ACOT7: variants seen among roughly 807,000 people sequenced by gnomAD.
ACOT7 encodes acyl-CoA thioesterase 7.
ACOT7 carries 12 observed loss-of-function variants against 40.2 expected under a neutral mutation model. That is an observed-to-expected ratio of 0.30 (90% CI 0.19 to 0.48). ACOT7 has a LOEUF of 0.48. Ranked by LOEUF, ACOT7 falls within the 20% of genes least tolerant of loss-of-function variation. ACOT7 has a pLI of 0.99. For missense variants in ACOT7, 395 were observed against 530.8 expected, an observed-to-expected ratio of 0.74 and a Z score of 2.51; for synonymous variants, 228 against 219.5, an observed-to-expected ratio of 1.04 and a Z score of -0.34.
chr1:6,332,124 C>T (rs1441035917), intron 4 of ACOT7, among the ~76,000 whole-genome samples: 1 of 152,164 alleles, frequency 6.6e-6, no homozygotes, highest in African/African-American at 2.4e-5. Context: ...GCAAAAAGAG[C>T]AGGCACCAAT....
chr1:6,277,736 C>A (rs902033393), intron 8 of ACOT7, among the ~76,000 whole-genome samples: 2 of 152,336 alleles, frequency 1.3e-5, no homozygotes, highest in Middle Eastern at 3.4e-3. Flanking sequence ...TGTACCTGTC[C>A]CCCGGCACAC....
At chr1:6,319,583 A>T (rs944270263) in intron 5 of ACOT7, among the ~76,000 whole-genome samples, 2 of 152,254 alleles carry the variant, frequency 1.3e-5, no homozygotes, top group African/African-American at 4.8e-5. Context: ...TCGGATTCAT[A>T]GCTGTCAGCT....
intron 1 of ACOT7, among the ~76,000 whole-genome samples, chr1:6,368,298 A>G (rs61763930): frequency 0.07 from 10,677 of 152,052 alleles, 648 homozygotes; most frequent in African/African-American, 0.15. Flanking sequence ...CCTCCCTCCC[A>G]TGCCTGTTGG....
At chr1:6,323,524 C>T (rs1316917377) in intron 5 of ACOT7, among the ~76,000 whole-genome samples, 1 of 151,992 alleles carries the variant, frequency 6.6e-6, no homozygotes, top group Admixed American at 6.6e-5. Context: ...TCGAGACCAG[C>T]TTGGCCAACA....
intron 7 of ACOT7, among the ~76,000 whole-genome samples, chr1:6,293,657 C>T (rs896915417): frequency 1.3e-5 from 2 of 152,194 alleles, no homozygotes; most frequent in African/African-American, 4.8e-5. Flanking sequence ...GCAGGGATTG[C>T]ACCACTGTAC....
At chr1:6,371,259 CA>C (rs1269714361) in intron 1 of ACOT7, among the ~76,000 whole-genome samples, 2 of 152,084 alleles carry the variant, frequency 1.3e-5, no homozygotes, top group African/African-American at 4.8e-5. Flanking sequence ...GTAAATTTAG[CA>C]TAATTCATAA....
chr1:6,320,899 A>G (rs549306176), intron 5 of ACOT7, among the ~76,000 whole-genome samples: 1 of 152,316 alleles, frequency 6.6e-6, no homozygotes, highest in Admixed American at 6.5e-5. Flanking sequence ...GCAATTCTTC[A>G]TGTTCCTGCA....
In ACOT7 at chr1:6,274,828, G is replaced by A. The variant is rs889875486; in HGVS notation, c.1014+6274C>T. ...GCTGAGCGCGGTGTGGGTGGGCGGCGCAGTGCAGGTGGGCAGCGCGTTGGG... is the reference window on the plus strand; with the variant it reads ...GCTGAGCGCGGTGTGGGTGGGCGGCACAGTGCAGGTGGGCAGCGCGTTGGG... On this transcript the variant is annotated intron_variant, in intron 8 of 8. Transcript: ENST00000361521. This position sits in a 1 kb window ranked among gnomAD's most constrained non-coding sequence, Gnocchi z 5.9. Among the ~76,000 whole-genome samples, 3 of 152,174 alleles carry A rather than the reference G, an allele frequency of 2.0e-5. No individual in the cohort carries two copies. Among genetic ancestry groups the A allele is most frequent in the East Asian group, 1.9e-4 (1 of 5,182 alleles).
intron 1 of ACOT7, among the ~76,000 whole-genome samples, chr1:6,365,197 G>A (rs1227100890): frequency 6.6e-6 from 1 of 152,176 alleles, no homozygotes; most frequent in Non-Finnish European, 1.5e-5. Context: ...AGGTTGCCTG[G>A]GGGCAGGGAG....
intron 1 of ACOT7, among the ~76,000 whole-genome samples, chr1:6,390,739 C>T (rs1399421955): frequency 1.3e-5 from 2 of 149,284 alleles, no homozygotes; most frequent in African/African-American, 2.5e-5. Flanking sequence ...AGTTCAAGAC[C>T]AGCCTGGCCA....
chr1:6,373,197 A>G (rs1642163729), intron 1 of ACOT7, among the ~76,000 whole-genome samples: 1 of 152,166 alleles, frequency 6.6e-6, no homozygotes, highest in Non-Finnish European at 1.5e-5. Flanking sequence ...ACACTACATG[A>G]GCACAGGCTG....
At chr1:6,305,879 T>C (rs1640136209) in intron 6 of ACOT7, among the ~76,000 whole-genome samples, 1 of 152,142 alleles carries the variant, frequency 6.6e-6, no homozygotes, top group Admixed American at 6.5e-5. Context: ...ATCACGCCAC[T>C]GCACTCCAGC....
In ACOT7 at chr1:6,282,713, T is replaced by C. The variant is rs1023277191; in HGVS notation, c.830-1427A>G. On this transcript the variant is annotated intron_variant, in intron 7 of 8. Transcript: ENST00000361521. This position sits in a 1 kb window ranked among gnomAD's most constrained non-coding sequence, Gnocchi z 4.5. ...CAGAACGATCCATGCTACATTCAAC[T>C]TCATACTTACAGGGAGCACTTCGTG... The C allele has an allele frequency of 3.8e-6, 5 of 1,303,472 alleles. No individual in the cohort carries two copies. The highest frequency in any genetic ancestry group is 1.5e-5 in the African/African-American group (1 of 65,864). The allele number at this position is 1,303,472 out of a possible 1,614,324, so 80.7% of individuals were successfully genotyped here. A position where few individuals can be genotyped will look rare whatever the true frequency, so the allele number is the denominator to read the frequency against.
At chr1:6,344,676 A>T (rs1205165847) in intron 2 of ACOT7, among the ~76,000 whole-genome samples, 4 of 150,434 alleles carry the variant, frequency 2.7e-5, no homozygotes, top group Non-Finnish European at 1.5e-5. Context: ...AGGCAGGAGA[A>T]TCACTTGAAC....
intron 6 of ACOT7, among the ~76,000 whole-genome samples, chr1:6,310,908 T>C (rs1057322398): frequency 1.3e-5 from 2 of 152,092 alleles, no homozygotes; most frequent in African/African-American, 4.8e-5. Flanking sequence ...TGGCTAATTT[T>C]TGTATTTTTA....
intron 5 of ACOT7, among the ~76,000 whole-genome samples, chr1:6,324,655 G>A (rs946081895): frequency 9.9e-5 from 15 of 152,140 alleles, no homozygotes; most frequent in African/African-American, 3.6e-4. Flanking sequence ...TCCAGAAACC[G>A]CTCACAAAAA....
At chr1:6,302,706 T>C (rs1571286805) in intron 6 of ACOT7, among the ~76,000 whole-genome samples, 1 of 152,260 alleles carries the variant, frequency 6.6e-6, no homozygotes. Flanking sequence ...AGCCCTCTCC[T>C]ACCGGCGAGA....
chr1:6,270,762 G>A (rs532216333), intron 8 of ACOT7, among the ~76,000 whole-genome samples: 147 of 152,346 alleles, frequency 9.6e-4, no homozygotes, highest in Non-Finnish European at 1.7e-3. Flanking sequence ...ATGTGTGTGT[G>A]TCTGTGTGGT....
chr1:6,346,194 T>G (rs1455526186), intron 2 of ACOT7, among the ~76,000 whole-genome samples: 5 of 152,216 alleles, frequency 3.3e-5, no homozygotes. Flanking sequence ...TCAACCTTCC[T>G]GGGCTCAGGT....
Sources: allele counts gnomAD v4.1 joint callset (sites outside exome capture counted in the v4.1 genomes callset), GRCh38; gene constraint gnomAD v4.1.1; non-coding constraint Gnocchi (gnomAD v3.1); transcripts MANE v1.5; gene names NCBI Gene and HGNC (gene_info 2026-07-23, HGNC 2026-07-21).